MYO18A: variants seen among roughly 807,000 people sequenced by gnomAD.
MYO18A encodes the protein unconventional myosin-XVIIIa.
A neutral mutation model predicts 235.8 loss-of-function variants in MYO18A; 78 were observed. The ratio of observed to expected loss-of-function variants is 0.33; its 90% CI spans 0.28 to 0.40. MYO18A has a LOEUF of 0.40. Ranked by LOEUF, MYO18A falls within the 10% of genes least tolerant of loss-of-function variation. The pLI is 1.00. For synonymous variants in MYO18A, 977 were observed against 1,077.8 expected (o/e 0.91, Z 1.83); for missense variants, 2,215 against 2,699.3 (o/e 0.82, Z 3.98).
chr17:29,110,115 GA>G lies in MYO18A; in HGVS notation c.3088-15del. On this transcript the variant is annotated splice_polypyrimidine_tract_variant and intron_variant, in intron 18 of 41. Transcript: ENST00000527372. ...GATGAGGGCGTCCTGCCGAGGGGAA[GA>G]GACTGCCCTCAGTGGGCTCTGATGG... 10 of 1,606,352 alleles carry G rather than the reference GA, an allele frequency of 6.2e-6. No individual in the cohort carries two copies. The highest frequency in any genetic ancestry group is 8.5e-6 in the Non-Finnish European group (10 of 1,178,640).
intron 1 of MYO18A, among the ~76,000 whole-genome samples, chr17:29,167,481 G>A (rs2068308333): frequency 6.6e-6 from 1 of 152,150 alleles, no homozygotes; most frequent in Admixed American, 6.5e-5. Context: ...GGAGACTGAA[G>A]CAAGAGGATC....
intron 2 of MYO18A, chr17:29,133,812 A>C (rs750454849): frequency 7.8e-7 from 1 of 1,289,384 alleles, no homozygotes. Context: ...TGCTCCCAGA[A>C]GGCGAACCTT....
intron 2 of MYO18A, among the ~76,000 whole-genome samples, chr17:29,136,820 G>A (rs1313271764): frequency 2.0e-5 from 3 of 152,184 alleles, no homozygotes; most frequent in Admixed American, 6.5e-5. Context: ...CGGCGTGAAG[G>A]TTCAGAAGAT....
chr17:29,151,623 T>C (rs763621017), intron 2 of MYO18A, among the ~76,000 whole-genome samples: 1 of 152,118 alleles, frequency 6.6e-6, no homozygotes, highest in Non-Finnish European at 1.5e-5. Flanking sequence ...CCCCAAGGCG[T>C]CCCAGGCCTG....
intron 2 of MYO18A, among the ~76,000 whole-genome samples, chr17:29,157,836 G>A (rs1038861726): frequency 1.3e-5 from 2 of 151,714 alleles, no homozygotes; most frequent in African/African-American, 4.8e-5. Flanking sequence ...GGCTGGAGTT[G>A]AGTGACATAA....
rs376504831 is a variant in MYO18A, at chr17:29,074,055, C to T, written c.*715G>A. The T allele has an allele frequency of 2.7e-5, 44 of 1,613,934 alleles. No individual in the cohort carries two copies. The highest frequency in any genetic ancestry group is 3.3e-4 in the Middle Eastern group (2 of 6,066). On this transcript the variant is annotated 3_prime_UTR_variant, in exon 42 of 42. Transcript: ENST00000527372. This position sits in a 1 kb window ranked among gnomAD's most constrained non-coding sequence, Gnocchi z 4.4. ...GATGGTCCACACACACACTTGTCTG[C>T]GTAGGCTTGCTCAACCCAGCCCAGC...
chr17:29,090,743 G>T, intron 35 of MYO18A, 67 bp downstream of exon 35: 1 of 1,535,066 alleles, frequency 6.5e-7, no homozygotes, highest in Non-Finnish European at 9.0e-7. Context: ...TTGTGCGGGG[G>T]ACCCATGAGG....
At position 29,118,607 on chromosome 17, in the gene MYO18A, C is replaced by T. The variant is rs1034584421; in HGVS notation, c.1830-167G>A. Among the ~76,000 whole-genome samples, 1 of 152,236 alleles carries T rather than the reference C, an allele frequency of 6.6e-6. No homozygotes were observed. Among genetic ancestry groups the T allele is most frequent in the African/African-American group, 2.4e-5 (1 of 41,470 alleles). ...AGCTGTCACTGCTTTCCTAACTGGC[C>T]TGGATGCCTGGTTAGAGTACCATTC... On this transcript the variant is annotated intron_variant, in intron 8 of 41. Transcript: ENST00000527372. This position sits in a 1 kb window ranked among gnomAD's most constrained non-coding sequence, Gnocchi z 4.2.
chr17:29,093,092 C>T lies in MYO18A; in HGVS notation c.4927-91G>A. The T allele has an allele frequency of 2.0e-6, 3 of 1,481,016 alleles. 1 individual carries two copies. The highest frequency in any genetic ancestry group is 2.6e-5 in the South Asian group (2 of 77,578). 91.7% of individuals were successfully genotyped at this position (1,481,016 alleles called of 1,614,324 possible). ...TCCCTCCTCACCACGTCCTCATTAT[C>T]AGTGTCCCCATAAGGATGCTGGAAG... On this transcript the variant is annotated intron_variant, in intron 32 of 41. Coordinates refer to ENST00000527372, the MANE Select transcript of MYO18A (RefSeq NM_078471.4).
intron 2 of MYO18A, among the ~76,000 whole-genome samples, chr17:29,145,130 T>A (rs1034831274): frequency 2.0e-5 from 3 of 152,232 alleles, no homozygotes; most frequent in Non-Finnish European, 4.4e-5. Context: ...TCGATTCGTG[T>A]TGAATGTTTA....
At position 29,106,711 on chromosome 17, in the gene MYO18A, G is replaced by A. The variant is rs1184807525; in HGVS notation, c.3441+369C>T. ...CACCTTCCTTCTAGGAGGAATGTTC[G>A]CCCAGCCCTGGACAGCTTCCTGCTT... is the stretch of plus-strand genomic sequence containing the variant. On this transcript the variant is annotated intron_variant, in intron 20 of 41. Transcript: ENST00000527372. The surrounding 1 kb of genome is among the most constrained non-coding windows in gnomAD (Gnocchi z 4.6). Among the ~76,000 whole-genome samples the A allele has an allele frequency of 2.0e-5, 3 of 152,186 alleles. No individual in the cohort carries two copies. Among genetic ancestry groups the A allele is most frequent in the African/African-American group, 7.2e-5 (3 of 41,438 alleles).
In MYO18A at chr17:29,082,367, T is replaced by C; in HGVS notation, c.5969A>G (p.Asn1990Ser). The C allele has an allele frequency of 6.2e-7, 1 of 1,613,960 alleles. No homozygotes were observed. The highest frequency in any genetic ancestry group is 8.5e-7 in the Non-Finnish European group (1 of 1,179,862). ...AGAAGCTGCCTTGGAAGGTCCCTTGTTTTTTGACAACCAGGACTTGACCCC... is the reference window on the plus strand; with the variant it reads ...AGAAGCTGCCTTGGAAGGTCCCTTGCTTTTTGACAACCAGGACTTGACCCC... ...VDGVKSWLSK[N>S]KGPSKAASDD... The change falls in exon 41 of 42, where the codon AAC (asparagine) becomes AGC (serine). Residue 1990 changes from asparagine to serine, a missense_variant. By Grantham distance (46) the Asn-to-Ser change is conservative (BLOSUM62 1). Transcript: ENST00000527372.
chr17:29,122,105 C>G (rs537438786), intron 3 of MYO18A, 61 bp downstream of exon 3: 4 of 1,564,178 alleles, frequency 2.6e-6, no homozygotes, highest in Non-Finnish European at 3.5e-6. Flanking sequence ...AAGGCACATT[C>G]GCTGCCCAGC....
chr17:29,106,967 C>T lies in MYO18A; in HGVS notation c.3441+113G>A. 9.5e-7 allele frequency: 1 copy of T among 1,050,722 alleles called. No individual in the cohort carries two copies. The highest frequency in any genetic ancestry group is 1.4e-6 in the Non-Finnish European group (1 of 695,502). 65.1% of individuals were successfully genotyped at this position (1,050,722 alleles called of 1,614,324 possible). A position where few individuals can be genotyped will look rare whatever the true frequency, so the allele number is the denominator to read the frequency against. ...GCTGGGTGCTTCCAAAACTGGGAGC[C>T]TGAGCAGGGCCAGATGAGCTGTCTC... On this transcript the variant is annotated intron_variant, in intron 20 of 41. Coordinates refer to ENST00000527372, the MANE Select transcript of MYO18A (RefSeq NM_078471.4). The surrounding 1 kb of genome is among the most constrained non-coding windows in gnomAD (Gnocchi z 4.6).
chr17:29,087,248 C>G, intron 37 of MYO18A, 127 bp from the exon 38 acceptor site: 2 of 944,512 alleles, frequency 2.1e-6, no homozygotes, highest in Middle Eastern at 2.4e-4. Context: ...CATTGGCTAC[C>G]TGGGCAAGCA....
At chr17:29,131,038 G>A (rs2067459579) in intron 2 of MYO18A, among the ~76,000 whole-genome samples, 1 of 152,180 alleles carries the variant, frequency 6.6e-6, no homozygotes, top group African/African-American at 2.4e-5. Context: ...AGCCTCTCCA[G>A]GCCCAAAGGG....
chr17:29,159,535 G>A (rs1041286732), intron 2 of MYO18A, among the ~76,000 whole-genome samples: 7 of 152,076 alleles, frequency 4.6e-5, no homozygotes, highest in African/African-American at 1.4e-4. Context: ...AAACAAAAAC[G>A]CTCCAAGGAT....
chr17:29,169,725 G>A (rs1255057481), intron 1 of MYO18A, among the ~76,000 whole-genome samples: 1 of 152,098 alleles, frequency 6.6e-6, no homozygotes, highest in African/African-American at 2.4e-5. Context: ...GACTTGGATG[G>A]GACAAACAAG....
chr17:29,094,903 G>A, intron 29 of MYO18A, 33 bp downstream of exon 29: 19 of 1,613,440 alleles, frequency 1.2e-5, no homozygotes, highest in Non-Finnish European at 1.6e-5. Context: ...TTGTGAGGGG[G>A]ACAGGGCACA....
Sources: gnomAD v4.1 joint callset for allele counts (sites outside exome capture counted in the v4.1 genomes callset) on GRCh38, gnomAD v4.1.1 for gene constraint, Gnocchi (gnomAD v3.1) non-coding constraint, MANE v1.5 for transcripts, NCBI Gene and HGNC (gene_info 2026-07-23, HGNC 2026-07-21) for gene names.